Variants in CTNNA2 observed in about 807,000 individuals in gnomAD.
CTNNA2 encodes catenin alpha 2.
CTNNA2 carries 42 observed loss-of-function variants against 101.0 expected under a neutral mutation model. The ratio of observed to expected loss-of-function variants is 0.42; its 90% CI spans 0.32 to 0.54. CTNNA2 has a LOEUF of 0.54. Among genes scored for constraint, CTNNA2 ranks in the 20% least tolerant of loss-of-function variants. CTNNA2 has a pLI of 0.14. For synonymous variants in CTNNA2, 450 were observed against 456.4 expected (o/e 0.99, Z 0.18); for missense variants, 871 against 1,223.1 (o/e 0.71, Z 4.29).
chr2:79,471,730 C>T (rs897484254), intron 4 of CTNNA2, among the ~76,000 whole-genome samples: 3 of 151,850 alleles, frequency 2.0e-5, no homozygotes, highest in African/African-American at 4.8e-5. Flanking sequence ...CCCAGCTATT[C>T]GGGAGGCTGA....
intron 7 of CTNNA2, among the ~76,000 whole-genome samples, chr2:80,279,603 T>C (rs1490101222): frequency 1.3e-5 from 2 of 152,246 alleles, no homozygotes; most frequent in East Asian, 3.9e-4. Context: ...TCTCAGCTTA[T>C]TGCTTTGATG....
Position 79,605,891 on chromosome 2 carries a change from T to C in CTNNA2, c.-5-45661T>C, listed in dbSNP as rs187350137. On this transcript the variant is annotated intron_variant, in intron 1 of 18. Transcript: ENST00000402739. ...CTGCAAAGAGCTATGTTCACACCACTGCACTCTAGCCTGGGTGACAGGGTG... is the reference window on the plus strand; with the variant it reads ...CTGCAAAGAGCTATGTTCACACCACCGCACTCTAGCCTGGGTGACAGGGTG... Among the ~76,000 whole-genome samples the C allele has an allele frequency of 1.0e-3, 153 of 152,210 alleles. 1 individual carries two copies. The highest frequency in any genetic ancestry group is 1.8e-3 in the Admixed American group (27 of 15,278).
chr2:80,265,676 AACTTC>A (rs2149130371), intron 7 of CTNNA2, among the ~76,000 whole-genome samples: 1 of 152,274 alleles, frequency 6.6e-6, no homozygotes, highest in East Asian at 1.9e-4. Context: ...GTTGACATGT[AACTTC>A]TGTCCTCTAT....
intron 15 of CTNNA2, among the ~76,000 whole-genome samples, chr2:80,594,311 T>C (rs1441510098): frequency 6.6e-6 from 1 of 152,128 alleles, no homozygotes; most frequent in Non-Finnish European, 1.5e-5. Context: ...TCTATCCAAG[T>C]CTTTTGCCCA....
At chr2:79,999,899 T>C (rs1692819504) in intron 7 of CTNNA2, among the ~76,000 whole-genome samples, 1 of 152,164 alleles carries the variant, frequency 6.6e-6, no homozygotes, top group Non-Finnish European at 1.5e-5. Context: ...TGTTCATGGT[T>C]GTTTTCAGGA....
chr2:79,729,969 A>G (rs1414411305), intron 2 of CTNNA2, among the ~76,000 whole-genome samples: 1 of 152,176 alleles, frequency 6.6e-6, no homozygotes, highest in Non-Finnish European at 1.5e-5. Flanking sequence ...AAAATGGAGT[A>G]TGTCCTGCAT....
At chr2:80,208,298 C>A (rs2149030349) in intron 7 of CTNNA2, among the ~76,000 whole-genome samples, 1 of 152,006 alleles carries the variant, frequency 6.6e-6, no homozygotes, top group South Asian at 2.1e-4. Flanking sequence ...ACCTAGTTGC[C>A]AATTTGGTTA....
At chr2:79,995,888 C>A (rs1054799203) in intron 7 of CTNNA2, among the ~76,000 whole-genome samples, 12 of 151,596 alleles carry the variant, frequency 7.9e-5, no homozygotes, top group Non-Finnish European at 1.2e-4. Flanking sequence ...GATTTTAATT[C>A]AAAAAAAAGT....
At chr2:79,550,418 C>T (rs530262291) in intron 1 of CTNNA2, among the ~76,000 whole-genome samples, 6 of 152,228 alleles carry the variant, frequency 3.9e-5, no homozygotes, top group Non-Finnish European at 7.4e-5. Flanking sequence ...CACCAGTGCA[C>T]GTCACTCTTA....
At chr2:80,353,557 C>T (rs1331388545) in intron 7 of CTNNA2, among the ~76,000 whole-genome samples, 4 of 152,130 alleles carry the variant, frequency 2.6e-5, no homozygotes, top group African/African-American at 9.7e-5. Context: ...AATTGAGGCT[C>T]TTTACTCCTT....
chr2:80,338,481 G>A lies in CTNNA2; in HGVS notation c.1057-54730G>A, dbSNP rs1034564792. ...ATGGTCCAAAATGAGGAATGGGAGA[G>A]CAGTACAAATAATATCAAGTTGTTG... On this transcript the variant is annotated intron_variant, in intron 7 of 18. Coordinates refer to ENST00000402739, the MANE Select transcript of CTNNA2 (RefSeq NM_001282597.3). 3.0e-4 allele frequency among the ~76,000 whole-genome samples: 45 copies of A among 152,142 alleles called. 1 individual carries two copies. The highest frequency in any genetic ancestry group is 9.9e-4 in the African/African-American group (41 of 41,426).
chr2:80,264,269 GAGA>G (rs1248070852), intron 7 of CTNNA2, among the ~76,000 whole-genome samples: 4 of 151,922 alleles, frequency 2.6e-5, no homozygotes, highest in African/African-American at 9.7e-5. Flanking sequence ...GATATTGGAG[GAGA>G]AGGTTATAGC....
chr2:79,330,738 C>T (rs144836801), intron 3 of CTNNA2, among the ~76,000 whole-genome samples: 2 of 152,284 alleles, frequency 1.3e-5, no homozygotes, highest in Non-Finnish European at 2.9e-5. Flanking sequence ...AGTTCCCCTG[C>T]ACATGTTCTC....
intron 7 of CTNNA2, among the ~76,000 whole-genome samples, chr2:80,059,096 T>C (rs915191592): frequency 6.6e-6 from 1 of 152,200 alleles, no homozygotes; most frequent in Non-Finnish European, 1.5e-5. Flanking sequence ...ACAATGACAC[T>C]GCATTTGTGT....
At chr2:80,184,906 T>G (rs1338712908) in intron 7 of CTNNA2, among the ~76,000 whole-genome samples, 1 of 152,248 alleles carries the variant, frequency 6.6e-6, no homozygotes, top group Non-Finnish European at 1.5e-5. Flanking sequence ...ATCCTATGCT[T>G]AAACATCCTA....
chr2:80,162,721 A>G (rs1704407194), intron 7 of CTNNA2: 1 of 1,611,710 alleles, frequency 6.2e-7, no homozygotes, highest in Admixed American at 1.7e-5. Flanking sequence ...TGACTGTGTG[A>G]TTGAACTGAT....
At chr2:79,859,051 C>T (rs1364115974) in intron 4 of CTNNA2, among the ~76,000 whole-genome samples, 1 of 151,876 alleles carries the variant, frequency 6.6e-6, no homozygotes, top group Non-Finnish European at 1.5e-5. Flanking sequence ...TAGAGAATCC[C>T]TACTCCATAC....
At position 79,976,546 on chromosome 2, in the gene CTNNA2, G is replaced by A. The variant is rs563980341; in HGVS notation, c.1056+66749G>A. Among the ~76,000 whole-genome samples the A allele has an allele frequency of 3.3e-5, 5 of 152,234 alleles. No homozygotes were observed. In the East Asian group the frequency reaches 9.7e-4, roughly 29 times the overall value. On this transcript the variant is annotated intron_variant, in intron 7 of 18. Coordinates refer to ENST00000402739, the MANE Select transcript of CTNNA2 (RefSeq NM_001282597.3). ...ATATTGCTGTCCCAGTGGATTAAAA[G>A]TTCTATTTGTTGATTTGTTTGTTCC...
chr2:79,812,818 A>G (rs1677156319), intron 3 of CTNNA2, among the ~76,000 whole-genome samples: 1 of 152,064 alleles, frequency 6.6e-6, no homozygotes, highest in African/African-American at 2.4e-5. Context: ...GCCCTCCCCA[A>G]GAGTTACCTT....
Sources: gnomAD v4.1 joint callset for allele counts (sites outside exome capture counted in the v4.1 genomes callset) on GRCh38, gnomAD v4.1.1 for gene constraint, MANE v1.5 for transcripts, NCBI Gene and HGNC (gene_info 2026-07-23, HGNC 2026-07-21) for gene names.